CNTN4: variants seen among roughly 807,000 people sequenced by gnomAD.
CNTN4 encodes contactin 4.
In CNTN4, 77 loss-of-function variants were observed where a neutral mutation model predicts 122.5. The ratio of observed to expected loss-of-function variants is 0.63; its 90% CI spans 0.52 to 0.76. The LOEUF is 0.76. CNTN4 is among the 30% of genes least tolerant of loss of function. The probability of loss-of-function intolerance (pLI) is 0.00; values close to 1 mark genes in which losing one functional copy is unlikely to be tolerated. For missense variants in CNTN4, 1,256 were observed against 1,259.1 expected (o/e 1.00, Z 0.04); for synonymous variants, 512 against 447.0 (o/e 1.15, Z -1.83).
chr3:2,446,004 A>G lies in CNTN4; in HGVS notation c.-89+106771A>G, dbSNP rs75337273. Reference sequence around the variant, plus strand: ...TAGCACCTAGCAGAAACTCTACTGTATAGAAGGTATTCAGCTAGCTGTTCA... The same window carrying G: ...TAGCACCTAGCAGAAACTCTACTGTGTAGAAGGTATTCAGCTAGCTGTTCA... On this transcript the variant is annotated intron_variant, in intron 3 of 24. Transcript: ENST00000418658. 2.7e-3 allele frequency among the ~76,000 whole-genome samples: 408 copies of G among 152,220 alleles called. 2 individuals carry two copies. The highest frequency in any genetic ancestry group is 9.6e-3 in the African/African-American group (398 of 41,534).
At position 2,778,200 on chromosome 3, in the gene CNTN4, C is replaced by T. The variant is rs991122017; in HGVS notation, c.358+32503C>T. ...CTGCACTCCAGCCTGGGCGACAGAG[C>T]GAGACTCCGTCTCAAATAAATAAAT... is the stretch of plus-strand genomic sequence containing the variant. On this transcript the variant is annotated intron_variant, in intron 6 of 24. Coordinates refer to ENST00000418658, the MANE Select transcript of CNTN4 (RefSeq NM_175607.3). Among the ~76,000 whole-genome samples, 25 of 104,328 alleles carry T rather than the reference C, an allele frequency of 2.4e-4. 1 individual carries two copies. The highest frequency in any genetic ancestry group is 2.0e-3 in the Admixed American group (20 of 10,194). 68.4% of individuals were successfully genotyped at this position (104,328 alleles called of 152,430 possible). A position where few individuals can be genotyped will look rare whatever the true frequency, so the allele number is the denominator to read the frequency against.
chr3:2,294,379 C>G lies in CNTN4; in HGVS notation c.-144-44799C>G, dbSNP rs973778817. ...GGTGCGGTGGCTCACGCCTGTAATC[C>G]CAGCACTCTGGGAGGCCAAAGCTGG... On this transcript the variant is annotated intron_variant, in intron 2 of 24. Transcript: ENST00000418658. 1.2e-4 allele frequency among the ~76,000 whole-genome samples: 18 copies of G among 150,862 alleles called. No homozygotes were observed. The Admixed American group carries it at 1.2e-3, about 10-fold the overall frequency.
intron 12 of CNTN4, among the ~76,000 whole-genome samples, chr3:2,919,510 A>G (rs2094406055): frequency 6.6e-6 from 1 of 152,194 alleles, no homozygotes; most frequent in Non-Finnish European, 1.5e-5. Flanking sequence ...CCTTCAAGGA[A>G]CTGATGTTCT....
chr3:2,743,278 TGTCTAGGGCAGACA>T lies in CNTN4; in HGVS notation c.183-2240_183-2227del, dbSNP rs879640813. On this transcript the variant is annotated intron_variant, in intron 5 of 24. Transcript: ENST00000418658. ...GTGATCAGCTGACTCAAAAAAAAAA[TGTCTAGGGCAGACA>T]GTCAGTTCTAGAGATTCATGTGCAC... Among the ~76,000 whole-genome samples, 53 of 152,140 alleles carry T rather than the reference TGTCTAGGGCAGACA, an allele frequency of 3.5e-4. 1 individual carries two copies. In the South Asian group the frequency reaches 4.2e-3, roughly 12 times the overall value.
At chr3:2,963,715 A>G (rs535146618) in intron 13 of CNTN4, among the ~76,000 whole-genome samples, 51 of 152,312 alleles carry the variant, frequency 3.3e-4, no homozygotes, top group African/African-American at 1.2e-3. Flanking sequence ...AAGACTGTCC[A>G]TATTTTCTTC....
chr3:2,253,700 G>GGT (rs2040464303), intron 2 of CNTN4, among the ~76,000 whole-genome samples: 1 of 151,556 alleles, frequency 6.6e-6, no homozygotes, highest in Admixed American at 6.6e-5. Flanking sequence ...GGAGGGCAGT[G>GGT]GTGCCATCTC....
intron 12 of CNTN4, among the ~76,000 whole-genome samples, chr3:2,922,717 C>T (rs1254534438): frequency 2.0e-5 from 3 of 148,422 alleles, no homozygotes; most frequent in African/African-American, 7.5e-5. Flanking sequence ...GGTTAAAGCG[C>T]TTCTTATGCC....
At chr3:2,268,760 C>G (rs950026885) in intron 2 of CNTN4, among the ~76,000 whole-genome samples, 2 of 152,128 alleles carry the variant, frequency 1.3e-5, no homozygotes, top group Non-Finnish European at 2.9e-5. Context: ...AACTCCCTTA[C>G]GTTCTTTATC....
chr3:2,400,097 A>G (rs1342566774), intron 3 of CNTN4, among the ~76,000 whole-genome samples: 2 of 151,976 alleles, frequency 1.3e-5, no homozygotes, highest in African/African-American at 4.8e-5. Context: ...ATAGGTGGAT[A>G]TCAGTCCTGT....
At chr3:2,342,691 G>T (rs1398610095) in intron 3 of CNTN4, among the ~76,000 whole-genome samples, 1 of 152,184 alleles carries the variant, frequency 6.6e-6, no homozygotes, top group Non-Finnish European at 1.5e-5. Flanking sequence ...CTGCTGCCAT[G>T]TGAAGAAGGA....
At chr3:2,379,630 T>A (rs2045944203) in intron 3 of CNTN4, among the ~76,000 whole-genome samples, 1 of 152,214 alleles carries the variant, frequency 6.6e-6, no homozygotes, top group African/African-American at 2.4e-5. Flanking sequence ...GTTAAAATCT[T>A]ATTTTTGAAA....
chr3:2,942,480 C>T (rs551185553), intron 13 of CNTN4, among the ~76,000 whole-genome samples: 14 of 152,206 alleles, frequency 9.2e-5, no homozygotes, highest in South Asian at 6.2e-4. Flanking sequence ...CCTCATGAGA[C>T]GCAATTACTG....
intron 2 of CNTN4, among the ~76,000 whole-genome samples, chr3:2,294,044 A>G (rs1170401790): frequency 6.6e-6 from 1 of 152,200 alleles, no homozygotes; most frequent in Non-Finnish European, 1.5e-5. Context: ...TGAACCATAC[A>G]TCTTATCAGC....
intron 3 of CNTN4, among the ~76,000 whole-genome samples, chr3:2,429,294 T>A (rs2047966876): frequency 6.6e-6 from 1 of 152,190 alleles, no homozygotes; most frequent in Non-Finnish European, 1.5e-5. Flanking sequence ...TAGTTTTCCT[T>A]CAAACAGTCA....
intron 3 of CNTN4, among the ~76,000 whole-genome samples, chr3:2,521,343 T>TCCCCCCCCCCCCCCCCCC (rs5846190): frequency 7.8e-5 from 10 of 128,306 alleles, no homozygotes; most frequent in African/African-American, 2.8e-4. Flanking sequence ...CCTCTACCCA[T>TCCCCCCCCCCCCCCCCCC]CCCCCCCACC....
intron 1 of CNTN4, chr3:2,099,222 G>A (rs1362346574): frequency 5.9e-5 from 9 of 152,324 alleles, no homozygotes; most frequent in Admixed American, 4.6e-4. Context: ...GAGGACTCAG[G>A]GCCCCGACGA....
At chr3:2,816,512 C>T (rs572456232) in intron 6 of CNTN4, among the ~76,000 whole-genome samples, 3 of 151,892 alleles carry the variant, frequency 2.0e-5, no homozygotes, top group African/African-American at 7.2e-5. Context: ...ACCAAAATCT[C>T]ACAAATGACC....
At chr3:2,313,510 A>C (rs568535641) in intron 2 of CNTN4, among the ~76,000 whole-genome samples, 2 of 152,144 alleles carry the variant, frequency 1.3e-5, no homozygotes, top group South Asian at 4.1e-4. Context: ...TCAGAAATAG[A>C]GGAAAAACTG....
intron 4 of CNTN4, among the ~76,000 whole-genome samples, chr3:2,617,301 A>G (rs936084635): frequency 9.2e-5 from 14 of 152,172 alleles, no homozygotes; most frequent in Non-Finnish European, 8.8e-5. Flanking sequence ...TCAAGAAAAA[A>G]ACAACCCCAT....
Sources: gnomAD v4.1 joint callset for allele counts (sites outside exome capture counted in the v4.1 genomes callset) on GRCh38, gnomAD v4.1.1 for gene constraint, MANE v1.5 for transcripts, NCBI Gene and HGNC (gene_info 2026-07-23, HGNC 2026-07-21) for gene names.